Variants in CACHD1 observed in about 807,000 individuals in gnomAD.
CACHD1 encodes the protein VWFA and cache domain-containing protein 1.
A neutral mutation model predicts 138.7 loss-of-function variants in CACHD1; 71 were observed. That is an observed-to-expected ratio of 0.51 (90% CI 0.42 to 0.62). CACHD1 has a LOEUF of 0.62. Ranked by LOEUF, CACHD1 falls within the 20% of genes least tolerant of loss-of-function variation. CACHD1 has a pLI of 0.00. For synonymous variants in CACHD1, 578 were observed against 591.5 expected, an observed-to-expected ratio of 0.98 and a Z score of 0.33; for missense variants, 1,389 against 1,625.3, an observed-to-expected ratio of 0.85 and a Z score of 2.50.
At chr1:64,515,846 G>T (rs1399389284) in intron 1 of CACHD1, among the ~76,000 whole-genome samples, 19 of 152,032 alleles carry the variant, frequency 1.2e-4, no homozygotes. Flanking sequence ...TTCAACTCTT[G>T]GTATTAATTT....
intron 2 of CACHD1, among the ~76,000 whole-genome samples, chr1:64,557,220 A>G (rs1162716194): frequency 3.3e-5 from 5 of 152,204 alleles, no homozygotes; most frequent in African/African-American, 1.2e-4. Context: ...TGCCTCAGAA[A>G]GTAGCAAAAT....
intron 1 of CACHD1, among the ~76,000 whole-genome samples, chr1:64,543,951 C>G (rs1290786062): frequency 7.6e-6 from 1 of 132,342 alleles, no homozygotes; most frequent in East Asian, 2.4e-4. Flanking sequence ...TCCCAAAGGG[C>G]TAGGATTACA....
rs1264990403 is a variant in CACHD1 at position 64,604,947 on chromosome 1, A to C, written c.517+2035A>C. Among the ~76,000 whole-genome samples, 6 of 147,244 alleles carry C rather than the reference A, an allele frequency of 4.1e-5. No individual in the cohort carries two copies. The Admixed American group carries it at 4.1e-4, about 10-fold the overall frequency. On this transcript the variant is annotated intron_variant, in intron 4 of 26. Coordinates refer to ENST00000651257, the MANE Select transcript of CACHD1 (RefSeq NM_020925.4). ...ATTACAGGCATGAGCCACCTCGCCTAGGCTTTTTTTCTTTTTTTTCTTTGT... is the reference window on the plus strand; with the variant it reads ...ATTACAGGCATGAGCCACCTCGCCTCGGCTTTTTTTCTTTTTTTTCTTTGT...
At chr1:64,482,628 T>C (rs1443220392) in intron 1 of CACHD1, among the ~76,000 whole-genome samples, 2 of 152,198 alleles carry the variant, frequency 1.3e-5, no homozygotes. Flanking sequence ...TGATCCAGAA[T>C]TGGCTTCACT....
intron 1 of CACHD1, among the ~76,000 whole-genome samples, chr1:64,474,367 G>C (rs1216191708): frequency 6.6e-6 from 1 of 152,106 alleles, no homozygotes; most frequent in Non-Finnish European, 1.5e-5. Flanking sequence ...ACATTGGGTA[G>C]GTAGAGACCT....
At chr1:64,678,711 T>TTA (rs1211249874) in intron 23 of CACHD1, among the ~76,000 whole-genome samples, 1 of 152,170 alleles carries the variant, frequency 6.6e-6, no homozygotes, top group African/African-American at 2.4e-5. Context: ...GGTAGAAGTC[T>TTA]TATAGCTACA....
chr1:64,471,028 TG>T, intron 1 of CACHD1, 86 bp downstream of exon 1: 1 of 1,337,042 alleles, frequency 7.5e-7, no homozygotes, highest in Non-Finnish European at 1.0e-6. Flanking sequence ...TCCCCTGGAC[TG>T]TGTGCATCGG....
rs556885472 is a variant in CACHD1 at position 64,492,612 on chromosome 1, C to A, written c.198+21670C>A. ...TCATATGCCACACGGAAACAATAAG[C>A]TCCAGGTGCCCAGCAGCGCTGTGCG... On this transcript the variant is annotated intron_variant, in intron 1 of 26. Coordinates refer to ENST00000651257, the MANE Select transcript of CACHD1 (RefSeq NM_020925.4). Among the ~76,000 whole-genome samples the A allele has an allele frequency of 2.6e-5, 4 of 151,960 alleles. No individual in the cohort carries two copies. In the South Asian group the frequency reaches 8.3e-4, roughly 32 times the overall value.
intron 13 of CACHD1, among the ~76,000 whole-genome samples, chr1:64,659,331 A>G (rs142277947): frequency 6.6e-6 from 1 of 152,248 alleles, no homozygotes; most frequent in South Asian, 2.1e-4. Context: ...CTAAGTCCAT[A>G]GAGAGAGGCA....
chr1:64,483,779 ACT>A (rs1239977401), intron 1 of CACHD1, among the ~76,000 whole-genome samples: 1 of 151,266 alleles, frequency 6.6e-6, no homozygotes, highest in Non-Finnish European at 1.5e-5. Flanking sequence ...TTCTCATCTG[ACT>A]CAGTAAAATC....
At chr1:64,573,739 A>G (rs1366659887) in intron 2 of CACHD1, among the ~76,000 whole-genome samples, 2 of 152,194 alleles carry the variant, frequency 1.3e-5, no homozygotes, top group Non-Finnish European at 2.9e-5. Flanking sequence ...GTTCAAGAGG[A>G]TGAATGTGAT....
At chr1:64,517,768 C>T (rs1009422285) in intron 1 of CACHD1, among the ~76,000 whole-genome samples, 1 of 152,148 alleles carries the variant, frequency 6.6e-6, no homozygotes, top group African/African-American at 2.4e-5. Flanking sequence ...GGAGGAGGGA[C>T]CTGGACAGTG....
intron 3 of CACHD1, among the ~76,000 whole-genome samples, chr1:64,584,716 T>C (rs555686279): frequency 1.3e-5 from 2 of 152,320 alleles, no homozygotes; most frequent in Admixed American, 1.3e-4. Flanking sequence ...TCATCTTTTA[T>C]TACCCCTAGC....
At chr1:64,647,730 T>A in intron 8 of CACHD1, 71 bp from the exon 9 acceptor site, 1 of 1,340,574 alleles carries the variant, frequency 7.5e-7, no homozygotes, top group Non-Finnish European at 1.1e-6. Flanking sequence ...GTATTTGATC[T>A]AAATGGCAAG....
chr1:64,678,219 C>T lies in CACHD1; in HGVS notation c.3153C>T (p.His1051=). 1 of 1,612,048 alleles carries T rather than the reference C, an allele frequency of 6.2e-7. No individual in the cohort carries two copies. The highest frequency in any genetic ancestry group is 8.5e-7 in the Non-Finnish European group (1 of 1,179,212). ...WCMVDSDGKT[H]LDKPYCAPQK... Reference sequence around the variant, plus strand: ...TGGTGGACAGTGATGGAAAGACTCACCTGGACAAACCCTACTGTGCCCCCC... The same window carrying T: ...TGGTGGACAGTGATGGAAAGACTCATCTGGACAAACCCTACTGTGCCCCCC... Residue 1051 remains histidine (H), a synonymous_variant, in exon 23 of 27, where the codon CAC becomes CAT. Transcript: ENST00000651257.
chr1:64,550,778 G>A (rs1248374948), intron 2 of CACHD1, 122 bp downstream of exon 2: 32 of 644,592 alleles, frequency 5.0e-5, no homozygotes, highest in Middle Eastern at 2.5e-4. Flanking sequence ...ATAATTTCAC[G>A]TGCATCTCAT....
At chr1:64,498,353 G>A (rs1226504511) in intron 1 of CACHD1, among the ~76,000 whole-genome samples, 7 of 152,218 alleles carry the variant, frequency 4.6e-5, no homozygotes, top group South Asian at 2.1e-4. Context: ...TTCACTATTC[G>A]AAACTGAAAT....
intron 1 of CACHD1, among the ~76,000 whole-genome samples, chr1:64,537,461 C>G (rs754283708): frequency 6.6e-6 from 1 of 152,148 alleles, no homozygotes; most frequent in Non-Finnish European, 1.5e-5. Flanking sequence ...GGGAAAAAAT[C>G]ACTTTCTCAA....
chr1:64,652,566 A>G (rs1649131410), intron 10 of CACHD1, among the ~76,000 whole-genome samples: 1 of 152,202 alleles, frequency 6.6e-6, no homozygotes, highest in South Asian at 2.1e-4. Flanking sequence ...TGAATGACAC[A>G]TAGAATGTCA....
Sources: allele counts gnomAD v4.1 joint callset (sites outside exome capture counted in the v4.1 genomes callset), GRCh38; gene constraint gnomAD v4.1.1; transcripts MANE v1.5; gene names NCBI Gene and HGNC (gene_info 2026-07-23, HGNC 2026-07-21).